SLC45A4: variants seen among roughly 807,000 people sequenced by gnomAD.
SLC45A4 encodes the protein solute carrier family 45 member 4, also known as polyamine-transporter SLC45A4.
SLC45A4 carries 32 observed loss-of-function variants against 63.7 expected under a neutral mutation model. That is an observed-to-expected ratio of 0.50 (90% CI 0.38 to 0.67). SLC45A4 has a LOEUF of 0.67. Ranked by LOEUF, SLC45A4 falls within the 30% of genes least tolerant of loss-of-function variation. The pLI is 0.00. For missense variants in SLC45A4, 1,027 were observed against 1,157.7 expected (o/e 0.89, Z 1.64); for synonymous variants, 535 against 510.0 (o/e 1.05, Z -0.66).
rs1206484103 is a variant in SLC45A4, at chr8:141,254,666, G to A, written c.-400-37C>T. ...GAAAACAACCCGGCCAGAGAGTCAG[G>A]GGACGGCCACCAGATGGCCCTGTGG... On this transcript the variant is annotated intron_variant, in intron 1 of 8. Coordinates refer to ENST00000517878, the MANE Select transcript of SLC45A4 (RefSeq NM_001286646.2). This position sits in a 1 kb window ranked among gnomAD's most constrained non-coding sequence, Gnocchi z 4.5. 21 of 696,678 alleles carry A rather than the reference G, an allele frequency of 3.0e-5. No individual in the cohort carries two copies. In the East Asian group the frequency reaches 5.4e-4, roughly 18 times the overall value. The allele number at this position is 696,678 out of a possible 1,614,324, so 43.2% of individuals were successfully genotyped here.
At chr8:141,231,030 TC>T (rs950466181) in intron 2 of SLC45A4, among the ~76,000 whole-genome samples, 1 of 152,072 alleles carries the variant, frequency 6.6e-6, no homozygotes, top group African/African-American at 2.4e-5. Flanking sequence ...CTCTCTCTTC[TC>T]CCCTGTAAAA....
chr8:141,211,296 T>G lies in SLC45A4; in HGVS notation c.*276A>C. Reference sequence around the variant, plus strand: ...GGGGCAACCTGGCCTCCTAGGAGAGTCCTTCAGACGGGACGAGCGGGGTCA... The same window carrying G: ...GGGGCAACCTGGCCTCCTAGGAGAGGCCTTCAGACGGGACGAGCGGGGTCA... On this transcript the variant is annotated 3_prime_UTR_variant, in exon 9 of 9. Coordinates refer to ENST00000517878, the MANE Select transcript of SLC45A4 (RefSeq NM_001286646.2). The G allele has an allele frequency of 2.2e-6, 2 of 913,580 alleles. No individual in the cohort carries two copies. The highest frequency in any genetic ancestry group is 3.1e-5 in the East Asian group (1 of 31,976). The allele number at this position is 913,580 out of a possible 1,614,324, so 56.6% of individuals were successfully genotyped here. A position where few individuals can be genotyped will look rare whatever the true frequency, so the allele number is the denominator to read the frequency against.
At chr8:141,263,544 G>A (rs1829128872) in intron 1 of SLC45A4, among the ~76,000 whole-genome samples, 2 of 151,648 alleles carry the variant, frequency 1.3e-5, no homozygotes, top group South Asian at 4.1e-4. Context: ...GAGGCGGGTA[G>A]ATCACGACGT....
intron 2 of SLC45A4, among the ~76,000 whole-genome samples, chr8:141,240,010 C>T (rs965535346): frequency 3.3e-5 from 5 of 152,196 alleles, no homozygotes; most frequent in African/African-American, 1.2e-4. Flanking sequence ...GAAGAAAAGG[C>T]GAGCTTCCAG....
At chr8:141,276,955 G>A (rs1174673172) in intron 1 of SLC45A4, among the ~76,000 whole-genome samples, 2 of 152,186 alleles carry the variant, frequency 1.3e-5, no homozygotes, top group Non-Finnish European at 2.9e-5. Flanking sequence ...CCCGGCCTAA[G>A]CACTGCCCTC....
At chr8:141,259,225 C>A (rs1418365340) in intron 1 of SLC45A4, among the ~76,000 whole-genome samples, 1 of 152,246 alleles carries the variant, frequency 6.6e-6, no homozygotes, top group Non-Finnish European at 1.5e-5. Context: ...CGCATGGCCA[C>A]GGTCAGGGCA....
chr8:141,245,093 G>A (rs1828119072), intron 2 of SLC45A4, among the ~76,000 whole-genome samples: 1 of 152,078 alleles, frequency 6.6e-6, no homozygotes, highest in African/African-American at 2.4e-5. Flanking sequence ...CAAGGCTGCT[G>A]ACTACGAACC....
intron 1 of SLC45A4, among the ~76,000 whole-genome samples, chr8:141,302,408 C>T (rs544268843): frequency 2.0e-5 from 3 of 151,118 alleles, no homozygotes; most frequent in African/African-American, 7.3e-5. Flanking sequence ...TCCCTCCCCC[C>T]GACCCCACCC....
Position 141,211,613 on chromosome 8 carries a change from AATAATC to A in SLC45A4, c.2380_2385del (p.Asp794_Tyr795del). On this transcript the variant is annotated inframe_deletion, in exon 9 of 9. Coordinates refer to ENST00000517878, the MANE Select transcript of SLC45A4 (RefSeq NM_001286646.2). ...GTGGAAAAGAAAATTTTTTTTCTAAAATAATCATAAAGAAAAATACTCTCCAACAGC... is the reference window on the plus strand; with the variant it reads ...GTGGAAAAGAAAATTTTTTTTCTAAAATAAAGAAAAATACTCTCCAACAGC... The A allele has an allele frequency of 6.2e-7, 1 of 1,612,634 alleles. No homozygotes were observed. The highest frequency in any genetic ancestry group is 8.5e-7 in the Non-Finnish European group (1 of 1,179,766).
intron 2 of SLC45A4, chr8:141,228,376 C>T (rs1827154741): frequency 6.5e-7 from 1 of 1,538,980 alleles, no homozygotes; most frequent in Non-Finnish European, 8.7e-7. Flanking sequence ...TGGCTAGAGG[C>T]CCCTGGCCAG....
intron 3 of SLC45A4, among the ~76,000 whole-genome samples, chr8:141,220,970 C>G (rs1308369281): frequency 1.3e-5 from 2 of 152,260 alleles, no homozygotes; most frequent in Non-Finnish European, 2.9e-5. Context: ...GGCCAGTGCC[C>G]ACTCAGGCTC....
At chr8:141,283,737 GA>G (rs1271856851) in intron 1 of SLC45A4, among the ~76,000 whole-genome samples, 1 of 152,182 alleles carries the variant, frequency 6.6e-6, no homozygotes. Context: ...CTTCCACGTG[GA>G]CCCAGAAGAA....
chr8:141,256,838 T>C lies in SLC45A4; in HGVS notation c.-400-2209A>G. 1 of 338,948 alleles carries C rather than the reference T, an allele frequency of 3.0e-6. No individual in the cohort carries two copies. 21.0% of individuals were successfully genotyped at this position (338,948 alleles called of 1,614,324 possible). On this transcript the variant is annotated intron_variant, in intron 1 of 8. Coordinates refer to ENST00000517878, the MANE Select transcript of SLC45A4 (RefSeq NM_001286646.2). The surrounding 1 kb of genome is among the most constrained non-coding windows in gnomAD (Gnocchi z 4.3). Reference sequence around the variant, plus strand: ...ACTGTCACCTTACTGCAATATTTTTTCAAAAAACTGTGTAATGAAACTTTT... The same window carrying C: ...ACTGTCACCTTACTGCAATATTTTTCCAAAAAACTGTGTAATGAAACTTTT...
chr8:141,213,378 G>A (rs939131383), intron 7 of SLC45A4, among the ~76,000 whole-genome samples: 1 of 152,218 alleles, frequency 6.6e-6, no homozygotes, highest in Non-Finnish European at 1.5e-5. Flanking sequence ...CAACCACATG[G>A]GGTATGTTCT....
In SLC45A4 at chr8:141,227,838, C is replaced by G. The variant is rs989704686; in HGVS notation, c.242-6073G>C. On this transcript the variant is annotated intron_variant, in intron 2 of 8. Coordinates refer to ENST00000517878, the MANE Select transcript of SLC45A4 (RefSeq NM_001286646.2). The surrounding 1 kb of genome is among the most constrained non-coding windows in gnomAD (Gnocchi z 4.4). The stretch of plus-strand genomic sequence containing the variant: ...TCATTTAGGGTGGAGGGGACAGCAG[C>G]ACCTTGAGTGTTCTCACATGTGCCG... Among the ~76,000 whole-genome samples, 1 of 152,226 alleles carries G rather than the reference C, an allele frequency of 6.6e-6. No homozygotes were observed. The highest frequency in any genetic ancestry group is 2.4e-5 in the African/African-American group (1 of 41,458).
At chr8:141,262,264 C>G (rs1304768481) in intron 1 of SLC45A4, among the ~76,000 whole-genome samples, 1 of 150,708 alleles carries the variant, frequency 6.6e-6, no homozygotes, top group Non-Finnish European at 1.5e-5. Context: ...CATAAAAACC[C>G]TAGAAGAAAA....
intron 1 of SLC45A4, among the ~76,000 whole-genome samples, chr8:141,305,077 TC>T (rs1830859261): frequency 6.6e-6 from 1 of 152,212 alleles, no homozygotes; most frequent in African/African-American, 2.4e-5. Flanking sequence ...TAAAGAGGTC[TC>T]CCGGTCCTCT....
chr8:141,289,776 G>A (rs1338922689), intron 1 of SLC45A4, among the ~76,000 whole-genome samples: 1 of 152,066 alleles, frequency 6.6e-6, no homozygotes, highest in Non-Finnish European at 1.5e-5. Flanking sequence ...CATGGCCCGG[G>A]GTCTTCCAGC....
Position 141,215,824 on chromosome 8 carries a change from T to C in SLC45A4, c.1876A>G (p.Ile626Val), listed in dbSNP as rs768013514. ...VAMVTISTMG[I>V]VSMSISYCPY... Reference sequence around the variant, plus strand: ...CAGTAGGAGATGCTCATGGAGACGATGCCCATGGTGCTGATGGTGACCATG... The same window carrying C: ...CAGTAGGAGATGCTCATGGAGACGACGCCCATGGTGCTGATGGTGACCATG... Residue 626 changes from isoleucine (I) to valine (V), a missense_variant, in exon 7 of 9, where the codon ATC becomes GTC. By Grantham distance (29) the Ile-to-Val change is conservative (BLOSUM62 3). Coordinates refer to ENST00000517878, the MANE Select transcript of SLC45A4 (RefSeq NM_001286646.2). The surrounding 1 kb of genome is among the most constrained non-coding windows in gnomAD (Gnocchi z 4.3). The C allele has an allele frequency of 6.2e-7, 1 of 1,614,104 alleles. No homozygotes were observed. The highest frequency in any genetic ancestry group is 1.7e-5 in the Admixed American group (1 of 60,028).
Sources: allele counts gnomAD v4.1 joint callset (sites outside exome capture counted in the v4.1 genomes callset), GRCh38; gene constraint gnomAD v4.1.1; non-coding constraint Gnocchi (gnomAD v3.1); transcripts MANE v1.5; gene names NCBI Gene and HGNC (gene_info 2026-07-23, HGNC 2026-07-21).